PGR: variants seen among roughly 807,000 people sequenced by gnomAD.
The protein encoded by PGR is nuclear receptor subfamily 3 group C member 3.
Under a neutral mutation model 76.1 loss-of-function variants are expected in PGR, and 25 were observed. That is an observed-to-expected ratio of 0.33 (90% CI 0.24 to 0.46). The LOEUF is 0.46. PGR is among the 20% of genes least tolerant of loss of function. PGR has a pLI of 1.00. For missense variants in PGR, 1,172 were observed against 1,225.3 expected (o/e 0.96, Z 0.65); for synonymous variants, 579 against 535.0 (o/e 1.08, Z -1.14).
In PGR at chr11:101,039,139, G is replaced by T. The variant is rs772718952; in HGVS notation, c.2779C>A (p.Pro927Thr). 6.2e-7 allele frequency: 1 copy of T among 1,611,502 alleles called. No homozygotes were observed. The highest frequency in any genetic ancestry group is 8.5e-7 in the Non-Finnish European group (1 of 1,178,206). ...ATTCACTTTTTATGAAAGAGAAGGG[G>T]TTTCACCATCCCTGCCAATATCTTG... ...LPKILAGMVK[P>T]LLFHKK The change falls in exon 8 of 8, where the codon CCC (proline) becomes ACC (threonine). Residue 927 changes from proline to threonine, a missense_variant. This residue lies in a region of PGR where 166 missense variants were observed against 296.0 expected (regional missense o/e 0.56). Coordinates refer to ENST00000325455, the MANE Select transcript of PGR (RefSeq NM_000926.4).
At position 101,128,197 on chromosome 11, in the gene PGR, C is replaced by G. The variant is rs773960696; in HGVS notation, c.874G>C (p.Gly292Arg). The G allele has an allele frequency of 6.3e-7, 1 of 1,598,344 alleles. No individual in the cohort carries two copies. The highest frequency in any genetic ancestry group is 8.5e-7 in the Non-Finnish European group (1 of 1,179,582). ...LVEQDAPMAP[G>R]RSPLATTVMD... ...ACCGTGGTGGCCAGCGGGGAGCGCC[C>G]GGGCGCCATCGGCGCGTCCTGCTCC... The change falls in exon 1 of 8, where the codon GGG (glycine) becomes CGG (arginine). Residue 292 changes from glycine (G) to arginine (R), a missense_variant. Gly to Arg is a moderately radical substitution (Grantham distance 125). Transcript: ENST00000325455.
Position 101,062,766 on chromosome 11 carries a change from A to T in PGR, c.1907-14T>A. 2 of 1,590,290 alleles carry T rather than the reference A, an allele frequency of 1.3e-6. No homozygotes were observed. Among genetic ancestry groups the T allele is most frequent in the Non-Finnish European group, 1.7e-6 (2 of 1,164,326 alleles). On this transcript the variant is annotated splice_polypyrimidine_tract_variant and intron_variant, in intron 3 of 7. Transcript: ENST00000325455. ...TAAATTTTCGACCTACAGAGAAGAA[A>T]AAAAAGAAATTCATGTAAATATATA...
chr11:101,051,530 T>TG lies in PGR; in HGVS notation c.2250dup (p.Ile751HisfsTer31), dbSNP rs1860088634. On this transcript the variant is annotated frameshift_variant, in exon 5 of 8. Transcript: ENST00000325455. LOFTEE classifies it high-confidence loss of function. ...ATTAAGCTCATCCAAGAATACTGAATGAGAGTTATCTGGTCATCAATATGT... is the reference window on the plus strand; with the variant it reads ...ATTAAGCTCATCCAAGAATACTGAATGGAGAGTTATCTGGTCATCAATATGT... The TG allele has an allele frequency of 6.2e-7, 1 of 1,609,492 alleles. No individual in the cohort carries two copies.
chr11:101,098,024 C>T (rs1294074432), intron 2 of PGR, among the ~76,000 whole-genome samples: 1 of 152,100 alleles, frequency 6.6e-6, no homozygotes, highest in Non-Finnish European at 1.5e-5. Context: ...GATCCTCCTG[C>T]CTCGGCCTCC....
chr11:101,068,626 C>G (rs1265953932), intron 3 of PGR, among the ~76,000 whole-genome samples: 2 of 152,062 alleles, frequency 1.3e-5, no homozygotes, highest in African/African-American at 4.8e-5. Flanking sequence ...TATACTTCAA[C>G]TCTACAGTAA....
rs1452376249 is a variant in PGR, at chr11:101,128,534, T to G, written c.537A>C (p.Ala179=). 2 of 1,600,238 alleles carry G rather than the reference T, an allele frequency of 1.2e-6. No individual in the cohort carries two copies. ...GCKVGDSSGT[A]AAHKVLPRGL... ...CCCGGGGCAGCACTTTATGGGCAGC[T>G]GCCGTCCCGGAGCTGTCTCCAACCT... Residue 179 remains alanine (A), a synonymous_variant, in exon 1 of 8, where the codon GCA becomes GCC. Transcript: ENST00000325455.
At chr11:101,108,540 CT>C (rs1260023159) in intron 2 of PGR, among the ~76,000 whole-genome samples, 3 of 152,106 alleles carry the variant, frequency 2.0e-5, no homozygotes, top group Non-Finnish European at 4.4e-5. Flanking sequence ...AGTTTTAAGT[CT>C]TTTCAATAAA....
intron 2 of PGR, among the ~76,000 whole-genome samples, chr11:101,108,819 C>T (rs965888030): frequency 5.9e-5 from 9 of 152,200 alleles, no homozygotes; most frequent in African/African-American, 2.2e-4. Context: ...TTGCGCTTTG[C>T]TTAATTGTAC....
rs758567640 is a variant in PGR at position 101,031,943 on chromosome 11, G to A, written c.*7173C>T. ...AACTTGAACTGCTCTAGTCTTACCC[G>A]TGTGTATAGACCTGGACTTTGAGGT... On this transcript the variant is annotated 3_prime_UTR_variant, in exon 8 of 8. Coordinates refer to ENST00000325455, the MANE Select transcript of PGR (RefSeq NM_000926.4). The A allele has an allele frequency of 4.0e-4, 92 of 231,654 alleles. No homozygotes were observed. The highest frequency in any genetic ancestry group is 6.1e-4 in the Non-Finnish European group (71 of 117,152). The allele number at this position is 231,654 out of a possible 1,614,324, so 14.3% of individuals were successfully genotyped here. A position where few individuals can be genotyped will look rare whatever the true frequency, so the allele number is the denominator to read the frequency against.
chr11:101,050,623 A>G (rs920344909), intron 5 of PGR, among the ~76,000 whole-genome samples: 2 of 152,146 alleles, frequency 1.3e-5, no homozygotes, highest in Non-Finnish European at 2.9e-5. Context: ...AGAAAATTTA[A>G]TTAAGGCATT....
intron 3 of PGR, among the ~76,000 whole-genome samples, chr11:101,087,814 CAACA>C (rs1861543724): frequency 1.3e-5 from 2 of 151,704 alleles, no homozygotes; most frequent in South Asian, 4.2e-4. Flanking sequence ...TACAAGCAGC[CAACA>C]AACATTTAAA....
rs906654983 is a variant in PGR at position 101,032,097 on chromosome 11, C to T, written c.*7019G>A. 6 of 232,682 alleles carry T rather than the reference C, an allele frequency of 2.6e-5. No individual in the cohort carries two copies. Among genetic ancestry groups the T allele is most frequent in the African/African-American group, 1.3e-4 (6 of 45,302 alleles). 14.4% of individuals were successfully genotyped at this position (232,682 alleles called of 1,614,324 possible). Reference sequence around the variant, plus strand: ...CCTGATGAAAAATTTGTAATTTCAACACATAAGCAAAATAATTAGACATCT... The same window carrying T: ...CCTGATGAAAAATTTGTAATTTCAATACATAAGCAAAATAATTAGACATCT... On this transcript the variant is annotated 3_prime_UTR_variant, in exon 8 of 8. Transcript: ENST00000325455.
At chr11:101,054,378 G>A (rs1860214715) in intron 4 of PGR, among the ~76,000 whole-genome samples, 1 of 152,088 alleles carries the variant, frequency 6.6e-6, no homozygotes, top group African/African-American at 2.4e-5. Context: ...ATTTGCATAT[G>A]ACTTGAACGT....
intron 4 of PGR, among the ~76,000 whole-genome samples, chr11:101,061,387 G>C (rs1860492456): frequency 6.6e-6 from 1 of 152,002 alleles, no homozygotes; most frequent in South Asian, 2.1e-4. Flanking sequence ...TTTTTTGAAA[G>C]ATTCAACAAA....
intron 2 of PGR, among the ~76,000 whole-genome samples, chr11:101,093,918 T>G (rs1001849121): frequency 4.6e-5 from 7 of 152,230 alleles, no homozygotes; most frequent in Non-Finnish European, 1.0e-4. Flanking sequence ...CTGTCTCACT[T>G]ACATTTCTAA....
chr11:101,113,472 G>A (rs571755239), intron 2 of PGR, among the ~76,000 whole-genome samples: 72 of 150,020 alleles, frequency 4.8e-4, no homozygotes, highest in African/African-American at 1.2e-3. Context: ...TTCTTTCACC[G>A]TGTTAGCCAG....
chr11:101,119,979 A>G (rs1565368459), intron 2 of PGR, among the ~76,000 whole-genome samples: 1 of 152,202 alleles, frequency 6.6e-6, no homozygotes, highest in Non-Finnish European at 1.5e-5. Flanking sequence ...ACAAGGATTA[A>G]TTGAGCTAAT....
rs1422871042 is a variant in PGR at position 101,039,163 on chromosome 11, TG to T, written c.2754del (p.Lys919ArgfsTer7). ...MMSEVIAAQL[P>X]KILAGMVKPL... ...GGTTTCACCATCCCTGCCAATATCT[TG>T]GGTAATTGTGCAGCAATAACTTCAG... is the stretch of plus-strand genomic sequence containing the variant. On this transcript the variant is annotated frameshift_variant, in exon 8 of 8. Transcript: ENST00000325455. LOFTEE classifies it high-confidence loss of function. The T allele has an allele frequency of 6.2e-7, 1 of 1,612,014 alleles. No individual in the cohort carries two copies. Among genetic ancestry groups the T allele is most frequent in the Non-Finnish European group, 8.5e-7 (1 of 1,178,394 alleles).
At chr11:101,105,298 C>G (rs892477322) in intron 2 of PGR, among the ~76,000 whole-genome samples, 7 of 152,080 alleles carry the variant, frequency 4.6e-5, no homozygotes, top group African/African-American at 1.7e-4. Context: ...AAGTCGAGGG[C>G]AGACTCTCAA....
Sources: allele counts gnomAD v4.1 joint callset (sites outside exome capture counted in the v4.1 genomes callset), GRCh38; gene constraint gnomAD v4.1.1; regional missense constraint gnomAD v4.1.1; transcripts MANE v1.5; gene names NCBI Gene and HGNC (gene_info 2026-07-23, HGNC 2026-07-21).